KLRG2: variants seen among roughly 807,000 people sequenced by gnomAD.
The protein encoded by KLRG2 is killer cell lectin like receptor G2.
KLRG2 carries 39 observed loss-of-function variants against 35.4 expected under a neutral mutation model. That is an observed-to-expected ratio of 1.10 (90% confidence interval 0.85 to 1.44). The LOEUF (loss-of-function observed/expected upper bound fraction) is 1.44, where lower values mean the gene tolerates loss of function less well. Among genes scored for constraint, KLRG2 ranks in the 40% most tolerant of loss-of-function variants. KLRG2 has a pLI of 0.00. For synonymous variants in KLRG2, 283 were observed against 265.8 expected (o/e 1.06, Z -0.63); for missense variants, 632 against 570.9 (o/e 1.11, Z -1.09).
the KLRG2 span, among the ~76,000 whole-genome samples, chr7:139,433,419 G>A: frequency 1.3e-5 from 2 of 151,896 alleles, no homozygotes; most frequent in Non-Finnish European, 2.9e-5. Flanking sequence ...TCCACTTCCC[G>A]AGTTCAAGCG....
intron 4 of KLRG2, 77 bp from the exon 5 acceptor site, chr7:139,453,784 G>C: frequency 6.4e-7 from 1 of 1,551,134 alleles, no homozygotes; most frequent in Admixed American, 1.8e-5. Flanking sequence ...ACCCTCCAGC[G>C]TGTGTGCCTG....
chr7:139,478,368 A>G (rs1387119449), intron 3 of KLRG2, among the ~76,000 whole-genome samples: 1 of 149,188 alleles, frequency 6.7e-6, no homozygotes, highest in East Asian at 2.0e-4. Flanking sequence ...CTGTTTCAAA[A>G]AAAAAAAAAA....
chr7:139,482,819 G>T, intron 1 of KLRG2, 67 bp downstream of exon 1: 1 of 1,320,808 alleles, frequency 7.6e-7, no homozygotes, highest in Non-Finnish European at 9.7e-7. Context: ...GGCTGGGCGG[G>T]TGTGGGGGTT....
At chr7:139,432,052 T>A in the KLRG2 span, among the ~76,000 whole-genome samples, 79 of 147,078 alleles carry the variant, frequency 5.4e-4, 2 homozygotes, top group Middle Eastern at 3.4e-3. Context: ...ATGTATGTTT[T>A]AAAAAAAAAA....
the KLRG2 span, among the ~76,000 whole-genome samples, chr7:139,429,029 A>C: frequency 6.6e-6 from 1 of 152,198 alleles, no homozygotes; most frequent in Non-Finnish European, 1.5e-5. Context: ...TTAAATAATC[A>C]CTTTAGGCCA....
At chr7:139,465,069 T>C (rs1291257936) in intron 3 of KLRG2, among the ~76,000 whole-genome samples, 3 of 152,158 alleles carry the variant, frequency 2.0e-5, no homozygotes, top group African/African-American at 7.2e-5. Context: ...CTGAACACAC[T>C]TGGTTTATTG....
chr7:139,453,669 C>G lies in KLRG2; in HGVS notation c.1148G>C (p.Cys383Ser). ...EDGEDNLDIN[C>S]GALEEGTLVA... ...CAGCGTGCCTTCCTCCAGGGCCCCA[C>G]AGTTGATATCCAGATTGTCCTCGCC... Residue 383 changes from cysteine to serine, a missense_variant, in exon 5 of 5, where the codon TGT becomes TCT. Coordinates refer to ENST00000340940, the MANE Select transcript of KLRG2 (RefSeq NM_198508.4). The G allele has an allele frequency of 1.9e-6, 3 of 1,614,118 alleles. No individual in the cohort carries two copies. The highest frequency in any genetic ancestry group is 1.7e-5 in the Admixed American group (1 of 60,010).
chr7:139,453,734 G>A (rs1796409961), intron 4 of KLRG2, 27 bp from the exon 5 acceptor site: 3 of 1,613,472 alleles, frequency 1.9e-6, no homozygotes, highest in Admixed American at 1.7e-5. Flanking sequence ...GGGGAAAGAG[G>A]AGAGGTGTTT....
At chr7:139,458,249 G>A (rs1051410345) in intron 3 of KLRG2, among the ~76,000 whole-genome samples, 2 of 151,838 alleles carry the variant, frequency 1.3e-5, no homozygotes, top group Non-Finnish European at 2.9e-5. Context: ...GTGGTGGCAC[G>A]CTCCTGTACT....
chr7:139,453,534 C>T lies in KLRG2; in HGVS notation c.*53G>A. ...TGCCCAAGCTCTCAACTGGCCTCCC[C>T]TGTAGGGGGTGCTGCATCTGCCTGG... is the stretch of plus-strand genomic sequence containing the variant. On this transcript the variant is annotated 3_prime_UTR_variant, in exon 5 of 5. Coordinates refer to ENST00000340940, the MANE Select transcript of KLRG2 (RefSeq NM_198508.4). 6.4e-7 allele frequency: 1 copy of T among 1,551,754 alleles called. No individual in the cohort carries two copies. Among genetic ancestry groups the T allele is most frequent in the Non-Finnish European group, 8.7e-7 (1 of 1,148,810 alleles).
At chr7:139,430,560 A>G in the KLRG2 span, among the ~76,000 whole-genome samples, 3 of 152,258 alleles carry the variant, frequency 2.0e-5, no homozygotes, top group Non-Finnish European at 4.4e-5. Flanking sequence ...TTTGGAAAAC[A>G]GGCAGCTTCT....
chr7:139,439,660 C>T, the KLRG2 span, among the ~76,000 whole-genome samples: 1 of 152,082 alleles, frequency 6.6e-6, no homozygotes, highest in African/African-American at 2.4e-5. Flanking sequence ...ATTTCTGGCA[C>T]GTGATGCTCT....
chr7:139,472,473 G>T (rs540519445), intron 3 of KLRG2, among the ~76,000 whole-genome samples: 3 of 151,886 alleles, frequency 2.0e-5, no homozygotes, highest in African/African-American at 7.2e-5. Flanking sequence ...AGCTGAGTGC[G>T]GTGGCTCATG....
the KLRG2 span, among the ~76,000 whole-genome samples, chr7:139,446,543 G>T: frequency 2.6e-5 from 4 of 151,494 alleles, no homozygotes; most frequent in African/African-American, 9.7e-5. Context: ...GTTTTGCCAC[G>T]TCAGCCAGGC....
intron 3 of KLRG2, among the ~76,000 whole-genome samples, chr7:139,464,623 C>T (rs376883414): frequency 3.0e-4 from 46 of 152,326 alleles, no homozygotes; most frequent in African/African-American, 9.9e-4. Context: ...CTAGCTCTCC[C>T]TAACTCATCC....
At chr7:139,430,465 A>C in the KLRG2 span, among the ~76,000 whole-genome samples, 2 of 152,210 alleles carry the variant, frequency 1.3e-5, no homozygotes, top group African/African-American at 2.4e-5. Context: ...TCAAAAGTAA[A>C]AAGACTGACA....
chr7:139,474,431 A>G (rs922712881), intron 3 of KLRG2, among the ~76,000 whole-genome samples: 2 of 152,146 alleles, frequency 1.3e-5, no homozygotes, highest in African/African-American at 4.8e-5. Flanking sequence ...TGATATTATG[A>G]TATCTATGTC....
At chr7:139,447,777 A>G (rs181743450), downstream of KLRG2, among the ~76,000 whole-genome samples, 109 of 152,262 alleles carry the variant, frequency 7.2e-4, 1 homozygote, top group African/African-American at 2.4e-3. Flanking sequence ...CTTAGGGCAC[A>G]TAACACAGCT....
chr7:139,434,711 A>G, the KLRG2 span, among the ~76,000 whole-genome samples: 2 of 152,212 alleles, frequency 1.3e-5, no homozygotes, highest in African/African-American at 4.8e-5. Context: ...GAAGTCAAAG[A>G]ATCCGAAGTG....
Sources: gnomAD v4.1 joint callset for allele counts (sites outside exome capture counted in the v4.1 genomes callset) on GRCh38, gnomAD v4.1.1 for gene constraint, MANE v1.5 for transcripts, NCBI Gene and HGNC (gene_info 2026-07-23, HGNC 2026-07-21) for gene names.